WWOX: variants seen among roughly 807,000 people sequenced by gnomAD.
WWOX encodes the protein WW domain containing oxidoreductase, also known as WW domain-containing oxidoreductase.
Under a neutral mutation model 46.2 loss-of-function variants are expected in WWOX, and 69 were observed. That is an observed-to-expected ratio of 1.49 (90% CI 1.23 to 1.82). The LOEUF is 1.82. Ranked by LOEUF, WWOX falls within the 40% of genes most tolerant of loss-of-function variation. WWOX has a pLI of 0.00. For missense variants in WWOX, 919 were observed against 542.6 expected (o/e 1.69, Z -6.89); for synonymous variants, 359 against 202.6 (o/e 1.77, Z -6.56).
chr16:78,337,817 A>G lies in WWOX; in HGVS notation c.517-49043A>G, dbSNP rs2080928297. On this transcript the variant is annotated intron_variant, in intron 5 of 8. Transcript: ENST00000566780. Reference sequence around the variant, plus strand: ...GAAGCTAGAGTTTCTTGGCTATCCTATTTCCCTTTTGTTTCCACCATGAAG... The same window carrying G: ...GAAGCTAGAGTTTCTTGGCTATCCTGTTTCCCTTTTGTTTCCACCATGAAG... Among the ~76,000 whole-genome samples, 2 of 58,482 alleles carry G rather than the reference A, an allele frequency of 3.4e-5. 1 individual carries two copies. Among genetic ancestry groups the G allele is most frequent in the Non-Finnish European group, 1.1e-4 (2 of 18,974 alleles). The allele number at this position is 58,482 out of a possible 152,430, so 38.4% of individuals were successfully genotyped here. A position where few individuals can be genotyped will look rare whatever the true frequency, so the allele number is the denominator to read the frequency against.
intron 8 of WWOX, among the ~76,000 whole-genome samples, chr16:78,849,506 G>A (rs1008881129): frequency 6.7e-6 from 1 of 149,520 alleles, no homozygotes; most frequent in Non-Finnish European, 1.5e-5. Context: ...CCCGGGAGGC[G>A]GAGCTTGCAG....
chr16:78,676,749 G>C (rs1490914045), intron 8 of WWOX, among the ~76,000 whole-genome samples: 1 of 152,146 alleles, frequency 6.6e-6, no homozygotes, highest in Non-Finnish European at 1.5e-5. Context: ...TTTCAGCTAA[G>C]TCTTCTTTTA....
intron 8 of WWOX, among the ~76,000 whole-genome samples, chr16:79,000,996 C>G (rs1273327628): frequency 6.6e-6 from 1 of 152,094 alleles, no homozygotes; most frequent in Non-Finnish European, 1.5e-5. Flanking sequence ...CGCCTGGGGT[C>G]CAAGAAGAGC....
chr16:79,186,436 C>T (rs144035519), intron 8 of WWOX, among the ~76,000 whole-genome samples: 56 of 152,306 alleles, frequency 3.7e-4, no homozygotes, highest in Admixed American at 2.2e-3. Context: ...CTGACCTCTG[C>T]GTCTGTCCTC....
chr16:78,565,148 G>T (rs78886615), intron 8 of WWOX, among the ~76,000 whole-genome samples: 1 of 152,176 alleles, frequency 6.6e-6, no homozygotes, highest in Non-Finnish European at 1.5e-5. Context: ...TCTGACTTTG[G>T]CATTGGTGCC....
chr16:78,923,298 T>C (rs2045422365), intron 8 of WWOX, among the ~76,000 whole-genome samples: 1 of 152,012 alleles, frequency 6.6e-6, no homozygotes, highest in Non-Finnish European at 1.5e-5. Context: ...TTTTTCTTCC[T>C]CTCCTTCTAC....
intron 8 of WWOX, among the ~76,000 whole-genome samples, chr16:78,493,839 G>A (rs978436540): frequency 3.3e-5 from 5 of 152,184 alleles, no homozygotes; most frequent in African/African-American, 1.2e-4. Context: ...CTTACCCACT[G>A]CATGATGTCT....
chr16:78,733,612 G>C (rs577334319), intron 8 of WWOX, among the ~76,000 whole-genome samples: 2 of 151,670 alleles, frequency 1.3e-5, no homozygotes, highest in East Asian at 3.9e-4. Flanking sequence ...AAAATTAGCC[G>C]GGTATGGTGG....
At chr16:78,753,374 C>G (rs1048714509) in intron 8 of WWOX, among the ~76,000 whole-genome samples, 1 of 152,044 alleles carries the variant, frequency 6.6e-6, no homozygotes, top group East Asian at 1.9e-4. Flanking sequence ...TTTCATTATC[C>G]AGGTACAAAG....
At chr16:78,484,053 C>A (rs1414732843) in intron 8 of WWOX, among the ~76,000 whole-genome samples, 1 of 152,046 alleles carries the variant, frequency 6.6e-6, no homozygotes, top group Non-Finnish European at 1.5e-5. Context: ...AAGTATGCTC[C>A]CTTGCAATGA....
intron 8 of WWOX, among the ~76,000 whole-genome samples, chr16:78,817,661 G>A (rs1311088821): frequency 6.6e-6 from 1 of 152,118 alleles, no homozygotes. Flanking sequence ...CCTGGGTATT[G>A]GGGATGAGTC....
chr16:78,894,092 G>A lies in WWOX; in HGVS notation c.1057-317516G>A, dbSNP rs531865900. ...CTTGCTTTCTTGCCCAGGAAGGAGT[G>A]CAATAGTGTAGTCATGGCTCACTGC... is the stretch of plus-strand genomic sequence containing the variant. On this transcript the variant is annotated intron_variant, in intron 8 of 8. Transcript: ENST00000566780. Among the ~76,000 whole-genome samples, 3 of 149,510 alleles carry A rather than the reference G, an allele frequency of 2.0e-5. No individual in the cohort carries two copies. In the East Asian group the frequency reaches 5.9e-4, roughly 30 times the overall value.
chr16:78,859,138 C>T (rs1454442401), intron 8 of WWOX, among the ~76,000 whole-genome samples: 5 of 144,390 alleles, frequency 3.5e-5, no homozygotes, highest in African/African-American at 1.0e-4. Context: ...TTGATGTTCT[C>T]GGGGTAATCT....
intron 8 of WWOX, among the ~76,000 whole-genome samples, chr16:78,625,610 A>G (rs2046293623): frequency 6.6e-6 from 1 of 151,896 alleles, no homozygotes; most frequent in African/African-American, 2.4e-5. Flanking sequence ...TAAATTATTG[A>G]TACTGAAATA....
chr16:79,042,222 C>G (rs1244601596), intron 8 of WWOX, among the ~76,000 whole-genome samples: 4 of 151,944 alleles, frequency 2.6e-5, no homozygotes, highest in Admixed American at 6.6e-5. Context: ...TCCATGAACT[C>G]CAAAGCCCAC....
chr16:78,432,633 C>T lies in WWOX; in HGVS notation c.937C>T (p.Pro313Ser), dbSNP rs370345936. 6.2e-7 allele frequency: 1 copy of T among 1,614,238 alleles called. No homozygotes were observed. The highest frequency in any genetic ancestry group is 1.7e-5 in the Admixed American group (1 of 60,030). The change falls in exon 8 of 9, where the codon CCA becomes TCA. Residue 313 changes from proline (P) to serine (S), a missense_variant. Physicochemically the swap from Pro to Ser is moderately conservative, Grantham distance 74. Transcript: ENST00000566780. Reference sequence around the variant, plus strand: ...CAACGAGCTGCACCGTCGCCTCTCCCCACGCGGGGTCACGTCGAACGCAGT... The same window carrying T: ...CAACGAGCTGCACCGTCGCCTCTCCTCACGCGGGGTCACGTCGAACGCAGT... The part of the protein sequence containing the change: ...FSNELHRRLS[P>S]RGVTSNAVHP...
At chr16:78,158,053 C>G (rs2034664687) in intron 4 of WWOX, among the ~76,000 whole-genome samples, 1 of 152,200 alleles carries the variant, frequency 6.6e-6, no homozygotes, top group Non-Finnish European at 1.5e-5. Flanking sequence ...CTTGTACGTG[C>G]TTAGAACTGG....
intron 8 of WWOX, among the ~76,000 whole-genome samples, chr16:79,138,884 G>A (rs1289505596): frequency 6.6e-6 from 1 of 152,180 alleles, no homozygotes; most frequent in African/African-American, 2.4e-5. Context: ...ATCCACAGGA[G>A]CAGAGAGCAC....
chr16:78,672,202 G>A (rs1229206602), intron 8 of WWOX, among the ~76,000 whole-genome samples: 1 of 152,114 alleles, frequency 6.6e-6, no homozygotes, highest in African/African-American at 2.4e-5. Flanking sequence ...CAAACCCAAA[G>A]GAAATTTTCA....
Sources: gnomAD v4.1 joint callset for allele counts (sites outside exome capture counted in the v4.1 genomes callset) on GRCh38, gnomAD v4.1.1 for gene constraint, MANE v1.5 for transcripts, NCBI Gene and HGNC (gene_info 2026-07-23, HGNC 2026-07-21) for gene names.